The following ZNF407 variants were observed in gnomAD, a reference collection of about 807,000 sequenced individuals.
ZNF407 encodes zinc finger protein 407.
In ZNF407, 17 loss-of-function variants were observed where a neutral mutation model predicts 131.2. The observed-to-expected ratio is 0.13, with a 90% confidence interval of 0.09 to 0.19. The LOEUF is 0.19. Ranked by LOEUF, ZNF407 falls within the 10% of genes least tolerant of loss-of-function variation. The probability of loss-of-function intolerance (pLI) is 1.00; values close to 1 mark genes in which losing one functional copy is unlikely to be tolerated. For synonymous variants in ZNF407, 1,156 were observed against 1,062.0 expected, an observed-to-expected ratio of 1.09 and a Z score of -1.72; for missense variants, 2,681 against 2,830.6, an observed-to-expected ratio of 0.95 and a Z score of 1.20.
chr18:75,042,946 G>A (rs1446819936), intron 8 of ZNF407, among the ~76,000 whole-genome samples: 1 of 152,188 alleles, frequency 6.6e-6, no homozygotes, highest in Non-Finnish European at 1.5e-5. Context: ...CTGTCTCCTG[G>A]TGATGGACAT....
intron 8 of ZNF407, among the ~76,000 whole-genome samples, chr18:74,955,548 G>A (rs187437388): frequency 1.4e-4 from 22 of 152,328 alleles, no homozygotes; most frequent in Non-Finnish European, 4.4e-5. Context: ...CAATCAGTAT[G>A]TCTTTACTCC....
chr18:74,926,709 A>G (rs976405596), intron 8 of ZNF407, among the ~76,000 whole-genome samples: 38 of 152,318 alleles, frequency 2.5e-4, no homozygotes, highest in African/African-American at 8.9e-4. Flanking sequence ...AGGCTGAGAC[A>G]GGAGAATTGG....
intron 4 of ZNF407, among the ~76,000 whole-genome samples, chr18:74,850,182 A>T (rs1310401586): frequency 6.6e-6 from 1 of 152,244 alleles, no homozygotes; most frequent in Non-Finnish European, 1.5e-5. Flanking sequence ...TTTTACTAAA[A>T]GGTACAAGTC....
At chr18:74,780,805 T>G (rs533877311) in intron 3 of ZNF407, among the ~76,000 whole-genome samples, 3 of 152,302 alleles carry the variant, frequency 2.0e-5, no homozygotes, top group African/African-American at 4.8e-5. Flanking sequence ...CATTTCATAT[T>G]TATGTCAACA....
chr18:74,850,628 T>A (rs763502787), intron 4 of ZNF407, among the ~76,000 whole-genome samples: 1 of 152,204 alleles, frequency 6.6e-6, no homozygotes, highest in Non-Finnish European at 1.5e-5. Context: ...TTTCTTTGGT[T>A]TATAACAAAT....
In ZNF407 at chr18:74,604,630, G is replaced by C. The variant is rs145557105; in HGVS notation, c.-54+6693G>C. ...AAATCTCATGCCCCATAGGGAGCAA[G>C]TGTTTTTGAACATTCCATAGGCTTA... On this transcript the variant is annotated intron_variant, in intron 1 of 8. Coordinates refer to ENST00000299687, the MANE Select transcript of ZNF407 (RefSeq NM_017757.3). Among the ~76,000 whole-genome samples, 429 of 152,350 alleles carry C rather than the reference G, an allele frequency of 2.8e-3. 5 individuals carry two copies. Among genetic ancestry groups the C allele is most frequent in the Admixed American group, 0.023 (354 of 15,308 alleles).
intron 4 of ZNF407, among the ~76,000 whole-genome samples, chr18:74,809,848 A>C (rs2145086227): frequency 6.6e-6 from 1 of 152,330 alleles, no homozygotes; most frequent in African/African-American, 2.4e-5. Flanking sequence ...AGATGACTGT[A>C]GTTAGCACCA....
intron 8 of ZNF407, among the ~76,000 whole-genome samples, chr18:75,039,426 T>C (rs1973346571): frequency 6.6e-6 from 1 of 152,216 alleles, no homozygotes; most frequent in African/African-American, 2.4e-5. Context: ...GTCTCATCAT[T>C]CTTACTGATG....
intron 3 of ZNF407, among the ~76,000 whole-genome samples, chr18:74,669,588 T>C (rs17240366): frequency 0.099 from 15,087 of 152,226 alleles, 888 homozygotes; most frequent in Non-Finnish European, 0.14. Flanking sequence ...TACTTGGAAG[T>C]TAGTTATTGA....
At chr18:74,638,890 G>A (rs1568140081) in intron 2 of ZNF407, among the ~76,000 whole-genome samples, 1 of 152,106 alleles carries the variant, frequency 6.6e-6, no homozygotes, top group Non-Finnish European at 1.5e-5. Flanking sequence ...AATGTTATTA[G>A]TTAGGAAACA....
At chr18:74,749,748 T>C (rs1968755532) in intron 3 of ZNF407, among the ~76,000 whole-genome samples, 2 of 152,192 alleles carry the variant, frequency 1.3e-5, no homozygotes, top group Admixed American at 1.3e-4. Flanking sequence ...TATACTGTTA[T>C]TTTTGAAAGT....
chr18:74,761,562 A>G (rs1205847092), intron 3 of ZNF407, among the ~76,000 whole-genome samples: 1 of 152,150 alleles, frequency 6.6e-6, no homozygotes, highest in African/African-American at 2.4e-5. Context: ...ATTGCTATAT[A>G]TTATTTCACC....
At position 74,703,553 on chromosome 18, in the gene ZNF407, A is replaced by G. The variant is rs1373110412; in HGVS notation, c.4802+62431A>G. On this transcript the variant is annotated intron_variant, in intron 3 of 8. Coordinates refer to ENST00000299687, the MANE Select transcript of ZNF407 (RefSeq NM_017757.3). The surrounding 1 kb of genome is among the most constrained non-coding windows in gnomAD (Gnocchi z 4.1). ...AGCTAATTTTGTATTTTTAGTAGAGATGGGGTTTCTCCAGGTTTATCAGGC... is the reference window on the plus strand; with the variant it reads ...AGCTAATTTTGTATTTTTAGTAGAGGTGGGGTTTCTCCAGGTTTATCAGGC... 6.6e-6 allele frequency among the ~76,000 whole-genome samples: 1 copy of G among 152,094 alleles called. No homozygotes were observed. The highest frequency in any genetic ancestry group is 1.9e-4 in the East Asian group (1 of 5,178).
rs138882349 is a variant in ZNF407, at chr18:74,728,501, T to C, written c.4803-52927T>C. The stretch of plus-strand genomic sequence containing the variant: ...TGGCAGTAACTAGCTTTACCTGCTT[T>C]TTACCTAGCTTTTTCACCTTAAAGA... On this transcript the variant is annotated intron_variant, in intron 3 of 8. Coordinates refer to ENST00000299687, the MANE Select transcript of ZNF407 (RefSeq NM_017757.3). Among the ~76,000 whole-genome samples the C allele has an allele frequency of 1.6e-4, 25 of 152,260 alleles. No individual in the cohort carries two copies. In the East Asian group the frequency reaches 4.6e-3, roughly 28 times the overall value.
At chr18:74,654,283 A>G (rs964159032) in intron 3 of ZNF407, among the ~76,000 whole-genome samples, 2 of 151,822 alleles carry the variant, frequency 1.3e-5, no homozygotes, top group Non-Finnish European at 3.0e-5. Context: ...AATCTGATTA[A>G]GGCAGTAAAC....
At chr18:74,687,713 T>A (rs1967128129) in intron 3 of ZNF407, among the ~76,000 whole-genome samples, 2 of 152,330 alleles carry the variant, frequency 1.3e-5, no homozygotes, top group Admixed American at 1.3e-4. Context: ...ATTTCAGATT[T>A]GGAATTTAAC....
At chr18:74,994,738 T>C (rs1972759801) in intron 8 of ZNF407, among the ~76,000 whole-genome samples, 1 of 152,064 alleles carries the variant, frequency 6.6e-6, no homozygotes, top group Non-Finnish European at 1.5e-5. Context: ...GCAGCGGCAC[T>C]CAGGACCCAG....
intron 3 of ZNF407, among the ~76,000 whole-genome samples, chr18:74,708,543 G>T (rs1967681155): frequency 6.6e-6 from 1 of 151,954 alleles, no homozygotes; most frequent in Non-Finnish European, 1.5e-5. Flanking sequence ...CCTGGGACTA[G>T]TGAAGACCCA....
chr18:74,648,253 C>T (rs576667544), intron 3 of ZNF407, among the ~76,000 whole-genome samples: 2 of 152,278 alleles, frequency 1.3e-5, no homozygotes, highest in African/African-American at 4.8e-5. Flanking sequence ...GCAGGGGCAG[C>T]CCATTCCAGG....
Sources: gnomAD v4.1 joint callset for allele counts (sites outside exome capture counted in the v4.1 genomes callset) on GRCh38, gnomAD v4.1.1 for gene constraint, Gnocchi (gnomAD v3.1) non-coding constraint, MANE v1.5 for transcripts, NCBI Gene and HGNC (gene_info 2026-07-23, HGNC 2026-07-21) for gene names.